PTPN1: variants seen among roughly 807,000 people sequenced by gnomAD.
PTPN1 encodes the protein protein tyrosine phosphatase non-receptor type 1.
In PTPN1, 12 loss-of-function variants were observed where a neutral mutation model predicts 59.9. That is an observed-to-expected ratio of 0.20 (90% CI 0.13 to 0.32). The LOEUF (loss-of-function observed/expected upper bound fraction) is 0.32. PTPN1 is among the 10% of genes least tolerant of loss of function. The pLI is 1.00. For missense variants in PTPN1, 356 were observed against 549.2 expected, an observed-to-expected ratio of 0.65 and a Z score of 3.52; for synonymous variants, 178 against 203.6, an observed-to-expected ratio of 0.87 and a Z score of 1.07.
chr20:50,569,991 G>A (rs547884160), intron 4 of PTPN1, among the ~76,000 whole-genome samples: 2 of 152,374 alleles, frequency 1.3e-5, no homozygotes, highest in African/African-American at 2.4e-5. Flanking sequence ...GGAACTGGGT[G>A]TCCTTGGGCC....
intron 3 of PTPN1, among the ~76,000 whole-genome samples, chr20:50,566,465 T>C (rs1042255477): frequency 2.0e-5 from 3 of 152,138 alleles, no homozygotes; most frequent in Non-Finnish European, 4.4e-5. Context: ...GAGGTGGCAC[T>C]GGGGATGTTG....
intron 4 of PTPN1, chr20:50,571,526 C>T (rs2082808478): frequency 1.3e-5 from 2 of 152,218 alleles, no homozygotes; most frequent in Admixed American, 1.3e-4. Flanking sequence ...ATCCACACAG[C>T]TTGTGGTAAA....
At chr20:50,556,283 G>T (rs1568788056) in intron 1 of PTPN1, among the ~76,000 whole-genome samples, 1 of 152,000 alleles carries the variant, frequency 6.6e-6, no homozygotes, top group Non-Finnish European at 1.5e-5. Flanking sequence ...CAATCTCCTG[G>T]GCTCAAGTGA....
At chr20:50,519,797 G>A (rs1428037246) in intron 1 of PTPN1, among the ~76,000 whole-genome samples, 2 of 152,198 alleles carry the variant, frequency 1.3e-5, no homozygotes, top group African/African-American at 4.8e-5. Flanking sequence ...AAAGGGTGCA[G>A]TTGGCCTCCC....
In PTPN1 at chr20:50,578,524, A is replaced by G. The variant is rs2230605; in HGVS notation, c.597A>G (p.Arg199=). The change falls in exon 6 of 10, where the codon CGA becomes CGG. Residue 199 remains arginine (R), a synonymous_variant. Coordinates refer to ENST00000371621, the MANE Select transcript of PTPN1 (RefSeq NM_002827.4). ...ASFLNFLFKV[R]ESGSLSPEHG... is the part of the protein sequence containing the mutation. ...TCTTGAACTTTCTTTTCAAAGTCCGAGAGTCAGGGTCACTCAGCCCGGAGC... is the reference window on the plus strand; with the variant it reads ...TCTTGAACTTTCTTTTCAAAGTCCGGGAGTCAGGGTCACTCAGCCCGGAGC... 0.015 allele frequency: 23,505 copies of G among 1,614,166 alleles called. 289 individuals are homozygous for G. The highest frequency in any genetic ancestry group is 0.061 in the African/African-American group (4,602 of 75,028).
chr20:50,571,083 G>T (rs1286595804), intron 4 of PTPN1: 1 of 152,246 alleles, frequency 6.6e-6, no homozygotes, highest in Non-Finnish European at 1.5e-5. Context: ...GCAAGGAGTG[G>T]TGTCCAGCGC....
rs71190576 is a variant in PTPN1, at chr20:50,539,026, CTTTTTTTTTTTT to C, written c.64-22322_64-22311del. Among the ~76,000 whole-genome samples, 465 of 85,316 alleles carry C rather than the reference CTTTTTTTTTTTT, an allele frequency of 5.5e-3. 2 individuals carry two copies. Among genetic ancestry groups the C allele is most frequent in the Non-Finnish European group, 8.3e-3 (367 of 44,208 alleles). 56.0% of individuals were successfully genotyped at this position (85,316 alleles called of 152,430 possible). On this transcript the variant is annotated intron_variant, in intron 1 of 9. Coordinates refer to ENST00000371621, the MANE Select transcript of PTPN1 (RefSeq NM_002827.4). ...TGCTCACTCTAAGTTCTTCTCAATT[CTTTTTTTTTTTT>C]TTTTTTTTTTTTTTGAGAAAGAGTT...
intron 4 of PTPN1, chr20:50,572,399 A>G (rs889761256): frequency 2.6e-5 from 4 of 152,230 alleles, no homozygotes; most frequent in Admixed American, 6.5e-5. Context: ...TGCTGTAGAC[A>G]CCTGAGAGTC....
rs1158224451 is a variant in PTPN1, at chr20:50,582,855, A to C, written c.*140A>C. 2 of 975,206 alleles carry C rather than the reference A, an allele frequency of 2.1e-6. No homozygotes were observed. Among genetic ancestry groups the C allele is most frequent in the Non-Finnish European group, 3.1e-6 (2 of 641,706 alleles). 60.4% of individuals were successfully genotyped at this position (975,206 alleles called of 1,614,324 possible). On this transcript the variant is annotated 3_prime_UTR_variant, in exon 10 of 10. Coordinates refer to ENST00000371621, the MANE Select transcript of PTPN1 (RefSeq NM_002827.4). The surrounding 1 kb of genome is among the most constrained non-coding windows in gnomAD (Gnocchi z 4.2). The stretch of plus-strand genomic sequence containing the variant: ...GGCCCCGGACGGACGTTGGTTCTGC[A>C]CTAAAACCCATCTTCCCCGGATGTG...
chr20:50,548,169 CT>C (rs2082684171), intron 1 of PTPN1, among the ~76,000 whole-genome samples: 3 of 152,130 alleles, frequency 2.0e-5, no homozygotes, highest in Admixed American at 2.0e-4. Context: ...ATTCTTCATG[CT>C]GCATCCTGGG....
At chr20:50,535,541 C>T (rs184181594) in intron 1 of PTPN1, among the ~76,000 whole-genome samples, 138 of 152,254 alleles carry the variant, frequency 9.1e-4, no homozygotes, top group African/African-American at 2.7e-3. Context: ...TGCCCTAATT[C>T]GCCTTAGGAC....
intron 1 of PTPN1, among the ~76,000 whole-genome samples, chr20:50,530,351 T>C (rs560601246): frequency 2.2e-4 from 34 of 152,122 alleles, no homozygotes; most frequent in Non-Finnish European, 4.3e-4. Context: ...TTTTAAAAAA[T>C]GTTTTAATTT....
At chr20:50,534,764 C>T (rs1309404887) in intron 1 of PTPN1, among the ~76,000 whole-genome samples, 2 of 152,028 alleles carry the variant, frequency 1.3e-5, no homozygotes, top group Admixed American at 6.6e-5. Context: ...CTTGCTTTGT[C>T]ACCCAGGCTG....
At position 50,582,804 on chromosome 20, in the gene PTPN1, G is replaced by A; in HGVS notation, c.*89G>A. 1 of 1,541,652 alleles carries A rather than the reference G, an allele frequency of 6.5e-7. No individual in the cohort carries two copies. The highest frequency in any genetic ancestry group is 8.9e-7 in the Non-Finnish European group (1 of 1,124,016). On this transcript the variant is annotated 3_prime_UTR_variant, in exon 10 of 10. Coordinates refer to ENST00000371621, the MANE Select transcript of PTPN1 (RefSeq NM_002827.4). The surrounding 1 kb of genome is among the most constrained non-coding windows in gnomAD (Gnocchi z 4.2). ...CTAGCAGGCATGCCGCGGTAGGTAA[G>A]GGCCGCCGGACCGCGTAGAGAGCCG...
intron 2 of PTPN1, among the ~76,000 whole-genome samples, chr20:50,562,630 A>C (rs2082758417): frequency 6.6e-6 from 1 of 152,256 alleles, no homozygotes; most frequent in South Asian, 2.1e-4. Flanking sequence ...TGTCACCAAC[A>C]TCTGAAGTGC....
chr20:50,510,438 C>A lies in PTPN1; in HGVS notation c.-90C>A. On this transcript the variant is annotated 5_prime_UTR_variant, in exon 1 of 10. Transcript: ENST00000371621. ...TAGCTGCAGGGGTCGGGGATTGCAG[C>A]GGGCCTCGGGGCTAAGAGCGCGACG... 7.1e-7 allele frequency: 1 copy of A among 1,398,738 alleles called. No homozygotes were observed. The highest frequency in any genetic ancestry group is 9.7e-7 in the Non-Finnish European group (1 of 1,029,532). 86.6% of individuals were successfully genotyped at this position (1,398,738 alleles called of 1,614,324 possible).
At chr20:50,552,146 A>G (rs1196991386) in intron 1 of PTPN1, among the ~76,000 whole-genome samples, 1 of 152,162 alleles carries the variant, frequency 6.6e-6, no homozygotes, top group Non-Finnish European at 1.5e-5. Context: ...CTGTTACGGT[A>G]CGGTAGTCTA....
chr20:50,512,589 C>T (rs2082512114), intron 1 of PTPN1, among the ~76,000 whole-genome samples: 1 of 152,186 alleles, frequency 6.6e-6, no homozygotes, highest in Admixed American at 6.5e-5. Flanking sequence ...AATGGATTGC[C>T]ACATTCCCTG....
chr20:50,523,897 C>T (rs2082561869), intron 1 of PTPN1, among the ~76,000 whole-genome samples: 2 of 152,122 alleles, frequency 1.3e-5, no homozygotes, highest in African/African-American at 4.8e-5. Context: ...CTGAGTCTCT[C>T]CCTAATCTGG....
Sources: allele counts gnomAD v4.1 joint callset (sites outside exome capture counted in the v4.1 genomes callset), GRCh38; gene constraint gnomAD v4.1.1; non-coding constraint Gnocchi (gnomAD v3.1); transcripts MANE v1.5; gene names NCBI Gene and HGNC (gene_info 2026-07-23, HGNC 2026-07-21).